SEMA3A: variants seen among roughly 807,000 people sequenced by gnomAD.
The protein encoded by SEMA3A is semaphorin-3A.
Under a neutral mutation model 97.9 loss-of-function variants are expected in SEMA3A, and 29 were observed. The ratio of observed to expected loss-of-function variants is 0.30; its 90% CI spans 0.22 to 0.40. The LOEUF (loss-of-function observed/expected upper bound fraction) is 0.40. Among genes scored for constraint, SEMA3A ranks in the 10% least tolerant of loss-of-function variants. SEMA3A has a pLI of 1.00. For synonymous variants in SEMA3A, 321 were observed against 323.7 expected (o/e 0.99, Z 0.09); for missense variants, 763 against 951.3 (o/e 0.80, Z 2.60).
intron 1 of SEMA3A, among the ~76,000 whole-genome samples, chr7:84,463,237 CTTTTTTTTTTTTTTTTT>C (rs59465422): frequency 5.6e-5 from 4 of 71,370 alleles, no homozygotes; most frequent in African/African-American, 1.1e-4. Context: ...TGTAACTATT[CTTTTTTTTTTTTTTTTT>C]TTTTTTTTTT....
At chr7:84,160,497 C>T (rs1203835077) in intron 1 of SEMA3A, among the ~76,000 whole-genome samples, 4 of 151,936 alleles carry the variant, frequency 2.6e-5, no homozygotes, top group South Asian at 2.1e-4. Flanking sequence ...TGCAGTGAGC[C>T]GAGATCGCAC....
intron 6 of SEMA3A, among the ~76,000 whole-genome samples, chr7:84,044,453 G>A (rs1379679716): frequency 2.6e-5 from 4 of 151,976 alleles, no homozygotes; most frequent in Non-Finnish European, 4.4e-5. Context: ...ATTATGTTAG[G>A]CATCATTAGC....
chr7:84,171,006 C>T (rs1022251684), intron 1 of SEMA3A, among the ~76,000 whole-genome samples: 3 of 151,926 alleles, frequency 2.0e-5, no homozygotes, highest in Admixed American at 6.6e-5. Context: ...CTCAATTTTG[C>T]TCATTGAGTT....
rs188082105 is a variant in SEMA3A at position 84,320,450 on chromosome 7, T to G, written c.-168-13158A>C. 3.6e-3 allele frequency among the ~76,000 whole-genome samples: 549 copies of G among 152,278 alleles called. 1 individual carries two copies. The highest frequency in any genetic ancestry group is 6.4e-3 in the Non-Finnish European group (436 of 67,990). On this transcript the variant is annotated intron_variant, in intron 2 of 3. Transcript: ENST00000424555. ...TTATTAAAAAAATCTAAGTAGTTGT[T>G]TCCTATGCTAGCCTAATCATATACT...
At chr7:84,398,941 T>A (rs1219458931) in intron 1 of SEMA3A, among the ~76,000 whole-genome samples, 1 of 152,182 alleles carries the variant, frequency 6.6e-6, no homozygotes, top group Non-Finnish European at 1.5e-5. Context: ...CAACAGTGCA[T>A]GCAAAAAGAA....
intron 1 of SEMA3A, among the ~76,000 whole-genome samples, chr7:84,445,493 CAAAAAAAAAAAAAAA>C (rs61298477): frequency 2.2e-4 from 6 of 27,580 alleles, no homozygotes; most frequent in Admixed American, 1.2e-3. Flanking sequence ...GACTCCATCT[CAAAAAAAAAAAAAAA>C]AAAAAAAAAA....
In SEMA3A at chr7:83,958,623, A is replaced by G. The variant is rs2116234150; in HGVS notation, c.*2748T>C. On this transcript the variant is annotated 3_prime_UTR_variant, in exon 17 of 17. Coordinates refer to ENST00000265362, the MANE Select transcript of SEMA3A (RefSeq NM_006080.3). Reference sequence around the variant, plus strand: ...ACACATTGAAATGGAGTACTTATAGAAAGTTTTATTTTACACTGTTCTTCC... The same window carrying G: ...ACACATTGAAATGGAGTACTTATAGGAAGTTTTATTTTACACTGTTCTTCC... The G allele has an allele frequency of 6.6e-6, 1 of 152,580 alleles. No homozygotes were observed. Among genetic ancestry groups the G allele is most frequent in the East Asian group, 1.9e-4 (1 of 5,178 alleles). The allele number at this position is 152,580 out of a possible 1,614,324, so 9.5% of individuals were successfully genotyped here.
intron 1 of SEMA3A, among the ~76,000 whole-genome samples, chr7:84,408,908 C>T (rs7806465): frequency 0.18 from 26,457 of 151,096 alleles, 2,435 homozygotes; most frequent in Middle Eastern, 0.22. Context: ...GTTGGGGGAG[C>T]GGGGAGGGAT....
intron 5 of SEMA3A, among the ~76,000 whole-genome samples, chr7:84,047,565 C>T (rs1250746530): frequency 1.3e-5 from 2 of 151,950 alleles, no homozygotes; most frequent in Non-Finnish European, 2.9e-5. Context: ...TTCTTGGAAA[C>T]AGAAAGGACC....
At chr7:84,369,037 G>C (rs1802915154) in intron 2 of SEMA3A, among the ~76,000 whole-genome samples, 1 of 150,834 alleles carries the variant, frequency 6.6e-6, no homozygotes, top group South Asian at 2.1e-4. Context: ...TTGGGAATTA[G>C]TATATTGATG....
intron 4 of SEMA3A, among the ~76,000 whole-genome samples, chr7:84,082,244 G>C (rs1794190659): frequency 6.6e-6 from 1 of 152,130 alleles, no homozygotes; most frequent in South Asian, 2.1e-4. Flanking sequence ...GATTTTGAAA[G>C]AGAACATATT....
intron 1 of SEMA3A, among the ~76,000 whole-genome samples, chr7:84,178,234 G>C (rs906122995): frequency 6.6e-6 from 1 of 151,956 alleles, no homozygotes; most frequent in Non-Finnish European, 1.5e-5. Flanking sequence ...TGTAAATAAG[G>C]CCTCTTTTGC....
At chr7:84,155,478 C>T (rs1014240949) in intron 1 of SEMA3A, among the ~76,000 whole-genome samples, 2 of 152,062 alleles carry the variant, frequency 1.3e-5, no homozygotes, top group Non-Finnish European at 2.9e-5. Context: ...ATCATTTGAC[C>T]TCAGATAGGC....
chr7:84,063,699 C>T (rs1292593990), intron 4 of SEMA3A, among the ~76,000 whole-genome samples: 10 of 150,628 alleles, frequency 6.6e-5, no homozygotes, highest in Admixed American at 3.3e-4. Flanking sequence ...TGAAATAAAG[C>T]GAGAAGGGAA....
intron 1 of SEMA3A, among the ~76,000 whole-genome samples, chr7:84,373,213 G>T (rs533199576): frequency 6.6e-6 from 1 of 152,190 alleles, no homozygotes; most frequent in Non-Finnish European, 1.5e-5. Context: ...TAACTCCAGT[G>T]GACCAAGCTG....
intron 1 of SEMA3A, among the ~76,000 whole-genome samples, chr7:84,386,351 G>A (rs559605914): frequency 4.6e-5 from 7 of 152,192 alleles, no homozygotes; most frequent in Admixed American, 6.5e-5. Context: ...ATGCTGTTTC[G>A]ATGTTTTGGA....
chr7:84,213,474 G>T (rs921987572), intron 3 of SEMA3A, among the ~76,000 whole-genome samples: 2 of 152,172 alleles, frequency 1.3e-5, no homozygotes, highest in African/African-American at 2.4e-5. Context: ...TTTTATAGAT[G>T]AGGTCTCACT....
intron 1 of SEMA3A, among the ~76,000 whole-genome samples, chr7:84,401,567 G>A (rs1236530319): frequency 1.3e-5 from 2 of 150,582 alleles, no homozygotes; most frequent in Non-Finnish European, 2.9e-5. Flanking sequence ...TCTTGGCAAA[G>A]AGAATAAAGC....
intron 4 of SEMA3A, among the ~76,000 whole-genome samples, chr7:84,099,774 G>A (rs1794900945): frequency 6.6e-6 from 1 of 152,082 alleles, no homozygotes; most frequent in Non-Finnish European, 1.5e-5. Flanking sequence ...ATTTTACGCA[G>A]CATCTTTCAC....
Sources: gnomAD v4.1 joint callset for allele counts (sites outside exome capture counted in the v4.1 genomes callset) on GRCh38, gnomAD v4.1.1 for gene constraint, MANE v1.5 for transcripts, NCBI Gene and HGNC (gene_info 2026-07-23, HGNC 2026-07-21) for gene names.